Variants in MMP3 observed in about 807,000 individuals in gnomAD.
MMP3 encodes the protein stromelysin-1.
In MMP3, 46 loss-of-function variants were observed where a neutral mutation model predicts 47.3. The ratio of observed to expected loss-of-function variants is 0.97; its 90% CI spans 0.77 to 1.24. The LOEUF (loss-of-function observed/expected upper bound fraction) is 1.24, where lower values mean the gene tolerates loss of function less well. MMP3 is among the 50% of genes most tolerant of loss of function. The probability of loss-of-function intolerance (pLI) is 0.00; values close to 1 mark genes in which losing one functional copy is unlikely to be tolerated. For missense variants in MMP3, 558 were observed against 565.5 expected, an observed-to-expected ratio of 0.99 and a Z score of 0.13; for synonymous variants, 216 against 206.5, an observed-to-expected ratio of 1.05 and a Z score of -0.39.
intron 4 of MMP3, among the ~76,000 whole-genome samples, chr11:102,841,170 C>T (rs921211433): frequency 4.6e-5 from 7 of 152,166 alleles, no homozygotes; most frequent in South Asian, 2.1e-4. Context: ...GCATTTGTCA[C>T]ACAACAGATT....
chr11:102,837,451 C>G lies in MMP3; in HGVS notation c.1230-50G>C, dbSNP rs782746152. On this transcript the variant is annotated intron_variant, in intron 8 of 9. Transcript: ENST00000299855. The surrounding 1 kb of genome is among the most constrained non-coding windows in gnomAD (Gnocchi z 4.4). ...CAGCATTGCATAGAGGCCATGTTAC[C>G]GAACATCTTAGATCATGTTAGGTTT... is the stretch of plus-strand genomic sequence containing the variant. 37 of 1,330,150 alleles carry G rather than the reference C, an allele frequency of 2.8e-5. No individual in the cohort carries two copies. Among genetic ancestry groups the G allele is most frequent in the Non-Finnish European group, 3.6e-5 (34 of 932,246 alleles). The allele number at this position is 1,330,150 out of a possible 1,614,324, so 82.4% of individuals were successfully genotyped here. A position where few individuals can be genotyped will look rare whatever the true frequency, so the allele number is the denominator to read the frequency against.
At chr11:102,838,806 A>C in intron 7 of MMP3, 96 bp from the exon 8 acceptor site, 1 of 1,382,462 alleles carries the variant, frequency 7.2e-7, no homozygotes, top group Non-Finnish European at 9.8e-7. Flanking sequence ...TTTCATGGTA[A>C]AGTAGTAGCC....
chr11:102,842,997 C>T lies in MMP3; in HGVS notation c.106-81G>A. ...TATTTATAGTAAGTTTTTGCAGTTG[C>T]TCACTTCTTAATCTATTTGGAGTAT... On this transcript the variant is annotated intron_variant, in intron 1 of 9. Transcript: ENST00000299855. 2.4e-6 allele frequency: 3 copies of T among 1,232,300 alleles called. No individual in the cohort carries two copies. The South Asian group carries it at 4.9e-5, about 20-fold the overall frequency. The allele number at this position is 1,232,300 out of a possible 1,614,324, so 76.3% of individuals were successfully genotyped here.
In MMP3 at chr11:102,840,309, T is replaced by C. The variant is rs1005564060; in HGVS notation, c.791-57A>G. ...TTTCAATATATGCCCATTTGTATGC[T>C]TTCCAAACATTCTCACGGTGCTTTG... is the stretch of plus-strand genomic sequence containing the variant. On this transcript the variant is annotated intron_variant, in intron 5 of 9. Transcript: ENST00000299855. The C allele has an allele frequency of 3.6e-5, 58 of 1,596,372 alleles. No individual in the cohort carries two copies. In the African/African-American group the frequency reaches 7.7e-4, roughly 21 times the overall value.
At position 102,842,591 on chromosome 11, in the gene MMP3, A is replaced by T. The variant is rs1555005722; in HGVS notation, c.351-12T>A. On this transcript the variant is annotated splice_polypyrimidine_tract_variant and intron_variant, in intron 2 of 9. Transcript: ENST00000299855. ...TATAATTCACAATCCTGTAGGAGAA[A>T]AATTGAAGCAGATGCTATTTTCTCC... 1 of 1,613,464 alleles carries T rather than the reference A, an allele frequency of 6.2e-7. No homozygotes were observed. Among genetic ancestry groups the T allele is most frequent in the South Asian group, 1.1e-5 (1 of 90,948 alleles).
chr11:102,842,108 A>T, intron 4 of MMP3, 46 bp downstream of exon 4: 1 of 1,480,396 alleles, frequency 6.8e-7, no homozygotes, highest in African/African-American at 1.4e-5. Flanking sequence ...ATTTCTACAT[A>T]TAAAAAAATT....
intron 4 of MMP3, among the ~76,000 whole-genome samples, chr11:102,841,659 C>A (rs114330859): frequency 6.8e-5 from 10 of 147,318 alleles, no homozygotes; most frequent in African/African-American, 2.5e-4. Context: ...TCCTTCAGAA[C>A]AAGCCCATAA....
chr11:102,842,792 C>A lies in MMP3; in HGVS notation c.230G>T (p.Gly77Val), dbSNP rs568922671. ...MQKFLGLEVTGKLDSDTLEVM... is the reference protein window; with the variant it reads ...MQKFLGLEVTVKLDSDTLEVM... Reference sequence around the variant, plus strand: ...CTCCAGAGTGTCGGAGTCCAGCTTCCCCGTCACCTCCAATCCAAGGAACTT... The same window carrying A: ...CTCCAGAGTGTCGGAGTCCAGCTTCACCGTCACCTCCAATCCAAGGAACTT... The change falls in exon 2 of 10, where the codon GGG becomes GTG. Residue 77 changes from glycine to valine, a missense_variant. Transcript: ENST00000299855. 7 of 1,613,916 alleles carry A rather than the reference C, an allele frequency of 4.3e-6. No individual in the cohort carries two copies. The highest frequency in any genetic ancestry group is 3.3e-5 in the Admixed American group (2 of 59,950).
At position 102,838,699 on chromosome 11, in the gene MMP3, A is replaced by G. The variant is rs1555004963; in HGVS notation, c.1081T>C (p.Trp361Arg). Residue 361 changes from tryptophan to arginine, a missense_variant, in exon 8 of 10, where the codon TGG becomes CGG. By Grantham distance (101) the Trp-to-Arg change is moderately radical. Transcript: ENST00000299855. ...LVFIFKGNQF[W>R]AIRGNEVRAG... The stretch of plus-strand genomic sequence containing the variant: ...CGTACCTCATTTCCTCTGATAGCCC[A>G]GAATTGATTTCCTGTTAAATATAAA... 2 of 1,612,098 alleles carry G rather than the reference A, an allele frequency of 1.2e-6. No homozygotes were observed. Among genetic ancestry groups the G allele is most frequent in the Non-Finnish European group, 8.5e-7 (1 of 1,179,382 alleles).
At chr11:102,841,851 C>T (rs1010177454) in intron 4 of MMP3, among the ~76,000 whole-genome samples, 1 of 151,908 alleles carries the variant, frequency 6.6e-6, no homozygotes, top group African/African-American at 2.4e-5. Context: ...ATATACTATC[C>T]CTTGAATGTT....
chr11:102,839,262 G>C lies in MMP3; in HGVS notation c.936-19C>G, dbSNP rs368292300. ...AAAGTGCCTAAAATATATGTAAAAA[G>C]AAATGTAAATTGAAAAACAATCTTT... On this transcript the variant is annotated intron_variant, in intron 6 of 9. Coordinates refer to ENST00000299855, the MANE Select transcript of MMP3 (RefSeq NM_002422.5). 3.1e-6 allele frequency: 5 copies of C among 1,612,656 alleles called. No individual in the cohort carries two copies. Among genetic ancestry groups the C allele is most frequent in the Non-Finnish European group, 4.2e-6 (5 of 1,179,512 alleles).
intron 8 of MMP3, 38 bp downstream of exon 8, chr11:102,838,513 A>G (rs1472774608): frequency 5.0e-6 from 8 of 1,590,678 alleles, no homozygotes; most frequent in East Asian, 2.2e-5. Context: ...AATTTCCCTA[A>G]TTAGGCTCCA....
chr11:102,840,284 T>A, intron 5 of MMP3, 32 bp from the exon 6 acceptor site: 2 of 1,607,980 alleles, frequency 1.2e-6, no homozygotes, highest in South Asian at 2.2e-5. Flanking sequence ...ATGTGATACG[T>A]TTCAATATAT....
Position 102,836,213 on chromosome 11 carries a change from G to T in MMP3, c.1347C>A (p.Phe449Leu), listed in dbSNP as rs1252024017. Residue 449 changes from phenylalanine (F) to leucine (L), a missense_variant, in exon 10 of 10, where the codon TTC becomes TTA. Transcript: ENST00000299855. This position sits in a 1 kb window ranked among gnomAD's most constrained non-coding sequence, Gnocchi z 4.6. The stretch of plus-strand genomic sequence containing the variant: ...ACTCCAACTGTGAAGATCCAGTAAA[G>T]AAATAAAAGAACCCTGCAAATACAG... ...AVFEEFGFFY[F>L]FTGSSQLEFD... is the part of the protein sequence containing the mutation. 1.2e-6 allele frequency: 2 copies of T among 1,612,798 alleles called. No homozygotes were observed. The highest frequency in any genetic ancestry group is 1.7e-6 in the Non-Finnish European group (2 of 1,179,156).
Position 102,836,167 on chromosome 11 carries a change from C to T in MMP3, c.1393G>A (p.Val465Met), listed in dbSNP as rs1555004516. Reference sequence around the variant, plus strand: ...CTGTTACTCTTCAAAGTGTGTGTCACTTTCTTTGCATTTGGGTCAAACTCC... The same window carrying T: ...CTGTTACTCTTCAAAGTGTGTGTCATTTTCTTTGCATTTGGGTCAAACTCC... Reference protein sequence around the residue: ...QLEFDPNAKKVTHTLKSNSWL... With the variant: ...QLEFDPNAKKMTHTLKSNSWL... The change falls in exon 10 of 10, where the codon GTG (valine) becomes ATG (methionine). Residue 465 changes from valine to methionine, a missense_variant. Transcript: ENST00000299855. This position sits in a 1 kb window ranked among gnomAD's most constrained non-coding sequence, Gnocchi z 4.6. The T allele has an allele frequency of 1.2e-6, 2 of 1,614,044 alleles. No individual in the cohort carries two copies. The highest frequency in any genetic ancestry group is 4.5e-5 in the East Asian group (2 of 44,864).
intron 8 of MMP3, 77 bp downstream of exon 8, chr11:102,838,474 G>A (rs1858925178): frequency 7.5e-6 from 11 of 1,459,304 alleles, no homozygotes; most frequent in Non-Finnish European, 1.0e-5. Flanking sequence ...CTAAGGTTGG[G>A]GTGGGGGATT....
Position 102,836,237 on chromosome 11 carries a change from A to G in MMP3, c.1334-11T>C. 1.9e-6 allele frequency: 3 copies of G among 1,589,204 alleles called. No individual in the cohort carries two copies. The highest frequency in any genetic ancestry group is 2.2e-5 in the South Asian group (2 of 89,886). ...AGAAATAAAAGAACCCTGCAAATAC[A>G]GACAAGGGAAATAGTAAGATATTTT... On this transcript the variant is annotated splice_polypyrimidine_tract_variant and intron_variant, in intron 9 of 9. Transcript: ENST00000299855. The surrounding 1 kb of genome is among the most constrained non-coding windows in gnomAD (Gnocchi z 4.6).
chr11:102,838,343 A>C (rs1338643596), intron 8 of MMP3, among the ~76,000 whole-genome samples: 1 of 152,032 alleles, frequency 6.6e-6, no homozygotes, highest in East Asian at 1.9e-4. Flanking sequence ...GCACCAAGGG[A>C]AGCACCAGCC....
chr11:102,840,237 G>C lies in MMP3; in HGVS notation c.806C>G (p.Ser269Cys). ...CGTGGGTACCAGGGGGGTCTCAGGG[G>C]AGTCAGGGGGAGGTCCTAAAGGGAA... ...IQSLYGPPPD[S>C]PETPLVPTEP... Residue 269 changes from serine (S) to cysteine (C), a missense_variant, in exon 6 of 10, where the codon TCC (serine) becomes TGC (cysteine). By Grantham distance (112) the Ser-to-Cys change is moderately radical. Transcript: ENST00000299855. 3 of 1,613,712 alleles carry C rather than the reference G, an allele frequency of 1.9e-6. No individual in the cohort carries two copies. Among genetic ancestry groups the C allele is most frequent in the South Asian group, 2.2e-5 (2 of 90,980 alleles).
Sources: gnomAD v4.1 joint callset for allele counts (sites outside exome capture counted in the v4.1 genomes callset) on GRCh38, gnomAD v4.1.1 for gene constraint, Gnocchi (gnomAD v3.1) non-coding constraint, MANE v1.5 for transcripts, NCBI Gene and HGNC (gene_info 2026-07-23, HGNC 2026-07-21) for gene names.